Variants in ZNF808 observed in about 807,000 individuals in gnomAD.
ZNF808 encodes zinc finger protein 808.
ZNF808 carries 5 observed loss-of-function variants against 8.7 expected under a neutral mutation model. The ratio of observed to expected loss-of-function variants is 0.58; its 90% CI spans 0.30 to 1.21. ZNF808 has a LOEUF of 1.21. ZNF808 is among the 50% of genes most tolerant of loss of function. ZNF808 has a pLI of 0.07. For synonymous variants in ZNF808, 380 were observed against 366.0 expected, an observed-to-expected ratio of 1.04 and a Z score of -0.44; for missense variants, 1,103 against 1,098.4, an observed-to-expected ratio of 1.00 and a Z score of -0.06.
chr19:52,528,640 G>A (rs1401933666), intron 1 of ZNF808, among the ~76,000 whole-genome samples: 1 of 152,112 alleles, frequency 6.6e-6, no homozygotes, highest in African/African-American at 2.4e-5. Context: ...GAGTGAGGGA[G>A]AGAGGGAGGG....
intron 1 of ZNF808, among the ~76,000 whole-genome samples, chr19:52,528,765 A>T (rs556165439): frequency 6.6e-6 from 1 of 151,976 alleles, no homozygotes; most frequent in Non-Finnish European, 1.5e-5. Flanking sequence ...GGGACAGGGG[A>T]GTATATCAGG....
At chr19:52,541,489 T>C (rs2059670251) in intron 2 of ZNF808, among the ~76,000 whole-genome samples, 1 of 151,904 alleles carries the variant, frequency 6.6e-6, no homozygotes, top group African/African-American at 2.4e-5. Flanking sequence ...TCAGAATAAC[T>C]TGGTGAAATG....
intron 4 of ZNF808, among the ~76,000 whole-genome samples, chr19:52,549,151 AT>A (rs551433155): frequency 1.3e-5 from 2 of 151,442 alleles, no homozygotes; most frequent in Admixed American, 6.6e-5. Context: ...AATGTTTTGT[AT>A]TTTTTTTAGT....
At chr19:52,529,054 T>C (rs1401000717) in intron 1 of ZNF808, among the ~76,000 whole-genome samples, 1 of 150,972 alleles carries the variant, frequency 6.6e-6, no homozygotes, top group African/African-American at 2.4e-5. Context: ...GAGAGATATG[T>C]ACAGAATTAG....
chr19:52,557,036 G>A (rs998543396), downstream of ZNF808, among the ~76,000 whole-genome samples: 2 of 152,142 alleles, frequency 1.3e-5, no homozygotes, highest in Non-Finnish European at 1.5e-5. Flanking sequence ...GCAGTGGTGC[G>A]ATCTCAGCTC....
Position 52,554,916 on chromosome 19 carries a change from T to G in ZNF808, c.2000T>G (p.Val667Gly), listed in dbSNP as rs1404611444. 2.5e-6 allele frequency: 4 copies of G among 1,614,174 alleles called. No individual in the cohort carries two copies. The highest frequency in any genetic ancestry group is 1.1e-5 in the South Asian group (1 of 91,080). Residue 667 changes from valine (V) to glycine (G), a missense_variant, in exon 5 of 5, where the codon GTA becomes GGA. Physicochemically the swap from Val to Gly is moderately radical, Grantham distance 109 (BLOSUM62 -3). Transcript: ENST00000359798. Reference sequence around the variant, plus strand: ...ACCTTCAGTTACAAGTCATCACTTGTATGGCATCGTAGACTTCATGGTGGA... The same window carrying G: ...ACCTTCAGTTACAAGTCATCACTTGGATGGCATCGTAGACTTCATGGTGGA... ...GKTFSYKSSL[V>G]WHRRLHGGEK...
rs747389740 is a variant in ZNF808, at chr19:52,555,462, G to C, written c.2546G>C (p.Cys849Ser). Residue 849 changes from cysteine to serine, a missense_variant, in exon 5 of 5, where the codon TGT becomes TCT. Transcript: ENST00000359798. ...RIHTGEKPYK[C>S]EACDKVFSRK... ...CATACTGGAGAGAAACCTTACAAAT[G>C]TGAAGCATGTGACAAAGTTTTCAGT... 5.6e-6 allele frequency: 9 copies of C among 1,613,936 alleles called. No individual in the cohort carries two copies. Among genetic ancestry groups the C allele is most frequent in the Admixed American group, 1.7e-5 (1 of 59,982 alleles).
intron 2 of ZNF808, among the ~76,000 whole-genome samples, chr19:52,534,686 C>A (rs2059588805): frequency 6.6e-6 from 1 of 151,666 alleles, no homozygotes; most frequent in Admixed American, 6.6e-5. Context: ...AGTCAGGGTT[C>A]TAGACCAGCC....
At chr19:52,558,112 G>T (rs1466531109), downstream of ZNF808, among the ~76,000 whole-genome samples, 2 of 130,094 alleles carry the variant, frequency 1.5e-5, no homozygotes, top group East Asian at 4.7e-4. Context: ...TTGAGACAGA[G>T]TCTCGCTCTG....
chr19:52,541,913 A>C (rs2059674573), intron 2 of ZNF808, among the ~76,000 whole-genome samples: 1 of 151,952 alleles, frequency 6.6e-6, no homozygotes, highest in Non-Finnish European at 1.5e-5. Flanking sequence ...CCCCAAACAC[A>C]TTTCCTTGCA....
chr19:52,563,928 G>A (rs2059865865), exon 4 of ZNF808: 2 of 280,418 alleles, frequency 7.1e-6, no homozygotes, highest in South Asian at 3.4e-5. Context: ...CCCGGGAGGC[G>A]GAAGTTTCGA....
intron 1 of ZNF808, among the ~76,000 whole-genome samples, chr19:52,528,748 CAG>C (rs1169076398): frequency 1.3e-5 from 2 of 151,692 alleles, no homozygotes; most frequent in African/African-American, 2.4e-5. Flanking sequence ...TGGGGTGACA[CAG>C]AGTGGGGACA....
At chr19:52,552,864 C>A (rs2059791247) in intron 4 of ZNF808, among the ~76,000 whole-genome samples, 3 of 152,096 alleles carry the variant, frequency 2.0e-5, no homozygotes, top group Admixed American at 6.5e-5. Context: ...TAGGCTTATA[C>A]ATATTTGTGC....
At chr19:52,542,806 T>G (rs1349910498) in intron 2 of ZNF808, among the ~76,000 whole-genome samples, 1 of 151,868 alleles carries the variant, frequency 6.6e-6, no homozygotes, top group African/African-American at 2.4e-5. Flanking sequence ...TTACAATCTT[T>G]TGAGTTTCCT....
chr19:52,545,083 A>G (rs531196178), intron 3 of ZNF808, among the ~76,000 whole-genome samples: 1 of 152,334 alleles, frequency 6.6e-6, no homozygotes, highest in African/African-American at 2.4e-5. Flanking sequence ...GCACTTGGCT[A>G]AAGTCTGCAC....
chr19:52,545,132 C>T (rs1490052379), intron 3 of ZNF808, among the ~76,000 whole-genome samples: 1 of 152,190 alleles, frequency 6.6e-6, no homozygotes, highest in Non-Finnish European at 1.5e-5. Context: ...TGGAGATAGG[C>T]ATCAGTGGTA....
chr19:52,553,277 G>T lies in ZNF808; in HGVS notation c.361G>T (p.Glu121Ter). 6.2e-7 allele frequency: 1 copy of T among 1,613,820 alleles called. No homozygotes were observed. Among genetic ancestry groups the T allele is most frequent in the Non-Finnish European group, 8.5e-7 (1 of 1,179,912 alleles). The change falls in exon 5 of 5, where the codon GAA becomes TAA. Residue 121 changes from glutamate (E) to a stop codon, truncating the protein, a stop_gained. Coordinates refer to ENST00000359798, the MANE Select transcript of ZNF808 (RefSeq NM_001039886.4). LOFTEE classifies it low-confidence loss of function (END_TRUNC). ...CATTGAGTTTCAGTGTCAAGAAGAT[G>T]AAAGAAATGGCCATGAAGCACCCAC... ...HNIEFQCQEDERNGHEAPTTK... is the reference protein window; with the variant it reads ...HNIEFQCQED
At position 52,554,805 on chromosome 19, in the gene ZNF808, C is replaced by G. The variant is rs1233109832; in HGVS notation, c.1889C>G (p.Thr630Arg). Residue 630 changes from threonine to arginine, a missense_variant, in exon 5 of 5, where the codon ACA becomes AGA. Coordinates refer to ENST00000359798, the MANE Select transcript of ZNF808 (RefSeq NM_001039886.4). The part of the protein sequence containing the change: ...EKPYRCQVCD[T>R]AFTWNSQLAR... ...CCATACAGATGTCAGGTTTGTGACACAGCTTTCACGTGGAATTCACAGCTG... is the reference window on the plus strand; with the variant it reads ...CCATACAGATGTCAGGTTTGTGACAGAGCTTTCACGTGGAATTCACAGCTG... The G allele has an allele frequency of 6.2e-7, 1 of 1,613,738 alleles. No individual in the cohort carries two copies. Among genetic ancestry groups the G allele is most frequent in the Non-Finnish European group, 8.5e-7 (1 of 1,179,974 alleles).
chr19:52,536,746 G>C (rs544603855), intron 2 of ZNF808, among the ~76,000 whole-genome samples: 1 of 152,156 alleles, frequency 6.6e-6, no homozygotes, highest in Non-Finnish European at 1.5e-5. Flanking sequence ...AGGACACCGG[G>C]GGATCTGGGG....
Sources: allele counts gnomAD v4.1 joint callset (sites outside exome capture counted in the v4.1 genomes callset), GRCh38; gene constraint gnomAD v4.1.1; transcripts MANE v1.5; gene names NCBI Gene and HGNC (gene_info 2026-07-23, HGNC 2026-07-21).